RNF182: variants seen among roughly 807,000 people sequenced by gnomAD.
RNF182 encodes the protein ring finger protein 182.
A neutral mutation model predicts 14.4 loss-of-function variants in RNF182; 15 were observed. The observed-to-expected ratio is 1.04, with a 90% CI of 0.70 to 1.60. RNF182 has a LOEUF of 1.60. RNF182 is among the 40% of genes most tolerant of loss of function. The probability of loss-of-function intolerance (pLI) is 0.00; values close to 1 mark genes in which losing one functional copy is unlikely to be tolerated. For synonymous variants in RNF182, 128 were observed against 122.9 expected, an observed-to-expected ratio of 1.04 and a Z score of -0.27; for missense variants, 268 against 294.8, an observed-to-expected ratio of 0.91 and a Z score of 0.67.
intron 1 of RNF182, among the ~76,000 whole-genome samples, chr6:13,926,375 G>T (rs1005633346): frequency 6.6e-6 from 1 of 152,154 alleles, no homozygotes; most frequent in Non-Finnish European, 1.5e-5. Context: ...CCTCTTTTGG[G>T]ATTTCAACAC....
chr6:13,976,556 A>G (rs1438178341), intron 2 of RNF182, among the ~76,000 whole-genome samples: 2 of 152,194 alleles, frequency 1.3e-5, no homozygotes, highest in Non-Finnish European at 2.9e-5. Flanking sequence ...TTTCTGATAC[A>G]TGTCCCATTC....
chr6:13,954,063 T>C (rs74291010), intron 1 of RNF182, among the ~76,000 whole-genome samples: 1 of 152,198 alleles, frequency 6.6e-6, no homozygotes, highest in Non-Finnish European at 1.5e-5. Flanking sequence ...GAAAATGATA[T>C]AATGAATCCC....
At chr6:13,948,941 C>CA (rs1240836258) in intron 1 of RNF182, among the ~76,000 whole-genome samples, 1 of 151,956 alleles carries the variant, frequency 6.6e-6, no homozygotes, top group Non-Finnish European at 1.5e-5. Flanking sequence ...AAGAGAAAGC[C>CA]AAATTTCACT....
chr6:13,949,476 C>A, intron 1 of RNF182: 1 of 610,668 alleles, frequency 1.6e-6, no homozygotes, highest in Non-Finnish European at 3.0e-6. Flanking sequence ...ACGAGAAAGG[C>A]TGGTTATAAG....
At chr6:13,957,879 A>C (rs1759768233) in intron 1 of RNF182, among the ~76,000 whole-genome samples, 1 of 152,174 alleles carries the variant, frequency 6.6e-6, no homozygotes, top group Non-Finnish European at 1.5e-5. Flanking sequence ...ATCCTATGAG[A>C]ATTTTATTCT....
chr6:13,966,897 T>G (rs1414789413), intron 1 of RNF182, among the ~76,000 whole-genome samples: 2 of 151,974 alleles, frequency 1.3e-5, no homozygotes, highest in African/African-American at 4.8e-5. Flanking sequence ...AGTGCAGTGG[T>G]GCAATCATAG....
chr6:13,955,251 G>A (rs1759698075), intron 1 of RNF182, among the ~76,000 whole-genome samples: 2 of 152,098 alleles, frequency 1.3e-5, no homozygotes, highest in South Asian at 4.1e-4. Flanking sequence ...GGACCTACTG[G>A]GAGTTATCTG....
intron 1 of RNF182, among the ~76,000 whole-genome samples, chr6:13,943,293 T>C (rs961543868): frequency 1.3e-5 from 2 of 152,094 alleles, no homozygotes; most frequent in Non-Finnish European, 2.9e-5. Flanking sequence ...TTTTTTTTTT[T>C]TTCTTTTTGT....
chr6:13,967,669 A>G (rs1760068866), intron 1 of RNF182, among the ~76,000 whole-genome samples: 1 of 152,186 alleles, frequency 6.6e-6, no homozygotes, highest in African/African-American at 2.4e-5. Context: ...GAAATTACAT[A>G]TGGCAATAAA....
intron 1 of RNF182, among the ~76,000 whole-genome samples, chr6:13,948,768 C>T (rs896716964): frequency 7.2e-5 from 11 of 152,096 alleles, no homozygotes. Context: ...AAAATGACAA[C>T]TTAAAGATTT....
At chr6:13,966,052 G>C (rs1315545044) in intron 1 of RNF182, among the ~76,000 whole-genome samples, 1 of 152,156 alleles carries the variant, frequency 6.6e-6, no homozygotes, top group East Asian at 1.9e-4. Flanking sequence ...CAAGTTTTAA[G>C]CTTTAAGACA....
intron 1 of RNF182, among the ~76,000 whole-genome samples, chr6:13,941,488 A>T (rs1215520249): frequency 6.6e-6 from 1 of 151,942 alleles, no homozygotes; most frequent in African/African-American, 2.4e-5. Context: ...TACTTATCTC[A>T]CCTGACAGTC....
intron 1 of RNF182, among the ~76,000 whole-genome samples, chr6:13,927,141 A>G (rs971935168): frequency 6.6e-6 from 1 of 152,194 alleles, no homozygotes; most frequent in Non-Finnish European, 1.5e-5. Context: ...GCTTGGTTGT[A>G]GTGGCTTATT....
chr6:13,926,106 CAA>C (rs1758818216), intron 1 of RNF182, among the ~76,000 whole-genome samples: 1 of 151,852 alleles, frequency 6.6e-6, no homozygotes, highest in Non-Finnish European at 1.5e-5. Context: ...CATATTTAAA[CAA>C]TATGAGATGT....
intron 1 of RNF182, among the ~76,000 whole-genome samples, chr6:13,925,925 T>G (rs1758813109): frequency 6.6e-6 from 1 of 152,204 alleles, no homozygotes; most frequent in Admixed American, 6.5e-5. Flanking sequence ...CGTGATAGTT[T>G]GTTGCAGACG....
At chr6:13,931,798 C>T (rs1258586635) in intron 1 of RNF182, among the ~76,000 whole-genome samples, 8 of 152,180 alleles carry the variant, frequency 5.3e-5, no homozygotes, top group East Asian at 1.9e-4. Context: ...ACAGCATGCT[C>T]ATGTCCCCTC....
chr6:13,978,238 G>C lies in RNF182; in HGVS notation c.*375G>C, dbSNP rs1324352591. 1 of 188,044 alleles carries C rather than the reference G, an allele frequency of 5.3e-6. No homozygotes were observed. Among genetic ancestry groups the C allele is most frequent in the Non-Finnish European group, 1.2e-5 (1 of 80,152 alleles). The allele number at this position is 188,044 out of a possible 1,614,324, so 11.6% of individuals were successfully genotyped here. ...GTTCTATGATGGCAGTTGGACACAA[G>C]AGGAAAGTTGCTCTGAGACACAAAG... On this transcript the variant is annotated 3_prime_UTR_variant, in exon 3 of 3. Transcript: ENST00000488300.
chr6:13,946,912 A>G (rs1299822217), intron 1 of RNF182, among the ~76,000 whole-genome samples: 2 of 152,214 alleles, frequency 1.3e-5, no homozygotes, highest in East Asian at 3.8e-4. Context: ...AGGTCATTCA[A>G]AACTCTGAGT....
At chr6:13,938,309 G>A (rs182823752) in intron 1 of RNF182, among the ~76,000 whole-genome samples, 5 of 150,768 alleles carry the variant, frequency 3.3e-5, no homozygotes, top group Admixed American at 6.6e-5. Flanking sequence ...GAGCCACTGC[G>A]CCTGGCCTTT....
Sources: allele counts gnomAD v4.1 joint callset (sites outside exome capture counted in the v4.1 genomes callset), GRCh38; gene constraint gnomAD v4.1.1; transcripts MANE v1.5; gene names NCBI Gene and HGNC (gene_info 2026-07-23, HGNC 2026-07-21).